Variants in CEP112 observed in about 807,000 individuals in gnomAD.
CEP112 encodes centrosomal protein 112, also known as centrosomal protein of 112 kDa.
CEP112 carries 127 observed loss-of-function variants against 153.0 expected under a neutral mutation model. The observed-to-expected ratio is 0.83, with a 90% confidence interval of 0.72 to 0.96. CEP112 has a LOEUF of 0.96. Ranked by LOEUF, CEP112 falls within the 40% of genes least tolerant of loss-of-function variation. The probability of loss-of-function intolerance (pLI) is 0.00; values close to 1 mark genes in which losing one functional copy is unlikely to be tolerated. For synonymous variants in CEP112, 358 were observed against 374.4 expected (o/e 0.96, Z 0.51); for missense variants, 1,089 against 1,101.2 (o/e 0.99, Z 0.16).
At chr17:65,687,866 TGA>T (rs2047897926) in intron 24 of CEP112, among the ~76,000 whole-genome samples, 2 of 152,236 alleles carry the variant, frequency 1.3e-5, no homozygotes, top group Non-Finnish European at 2.9e-5. Flanking sequence ...ATTCCTGTAC[TGA>T]GTTTTACAAC....
chr17:66,020,653 T>C (rs190823015), intron 16 of CEP112, among the ~76,000 whole-genome samples: 3 of 152,356 alleles, frequency 2.0e-5, no homozygotes, highest in Non-Finnish European at 2.9e-5. Flanking sequence ...TTTCATTTTC[T>C]ATTATTTTTG....
intron 19 of CEP112, among the ~76,000 whole-genome samples, chr17:65,916,960 C>A (rs1023234651): frequency 6.6e-6 from 1 of 152,178 alleles, no homozygotes; most frequent in Admixed American, 6.5e-5. Context: ...TCTTCAATTG[C>A]CTTTCACTAA....
In CEP112 at chr17:65,960,241, T is replaced by G. The variant is rs893071012; in HGVS notation, c.1872+1222A>C. Among the ~76,000 whole-genome samples, 13 of 152,276 alleles carry G rather than the reference T, an allele frequency of 8.5e-5. No individual in the cohort carries two copies. In the East Asian group the frequency reaches 2.5e-3, roughly 29 times the overall value. ...TCATATGATAAAATAAATTTAGTGT[T>G]AAAAAGATTGTACTAAAACAGCATG... On this transcript the variant is annotated intron_variant, in intron 18 of 26. Coordinates refer to ENST00000535342, the MANE Select transcript of CEP112 (RefSeq NM_001199165.4).
intron 6 of CEP112, among the ~76,000 whole-genome samples, chr17:66,128,332 A>G (rs1341326402): frequency 1.3e-5 from 2 of 151,010 alleles, no homozygotes; most frequent in Non-Finnish European, 3.0e-5. Flanking sequence ...AGACAGAAAG[A>G]AAAAGTATAA....
chr17:66,094,607 T>G (rs548957008), intron 8 of CEP112, among the ~76,000 whole-genome samples: 1 of 152,130 alleles, frequency 6.6e-6, no homozygotes, highest in South Asian at 2.1e-4. Context: ...GTTTTGGATA[T>G]GAACCGAAAA....
At chr17:65,887,936 G>A (rs763129514) in intron 20 of CEP112, among the ~76,000 whole-genome samples, 3 of 152,106 alleles carry the variant, frequency 2.0e-5, no homozygotes, top group Non-Finnish European at 4.4e-5. Context: ...TTCAAAGCAG[G>A]TAAAGTTTGC....
At chr17:65,855,719 C>T (rs2058099727) in intron 20 of CEP112, among the ~76,000 whole-genome samples, 1 of 152,178 alleles carries the variant, frequency 6.6e-6, no homozygotes, top group Non-Finnish European at 1.5e-5. Flanking sequence ...ACCTAAATAA[C>T]ATATATTATC....
intron 23 of CEP112, among the ~76,000 whole-genome samples, chr17:65,724,056 A>G (rs1002779473): frequency 6.7e-6 from 1 of 148,566 alleles, no homozygotes; most frequent in African/African-American, 2.4e-5. Context: ...CTCTTGAAAA[A>G]ATGGGGGTTG....
In CEP112 at chr17:65,697,188, C is replaced by A. The variant is rs143308668; in HGVS notation, c.2608-7970G>T. The stretch of plus-strand genomic sequence containing the variant: ...TCAAATATTTGTTAAGTTATAAAAT[C>A]TTGACGTAAACCTCTCTTCCCCTGG... On this transcript the variant is annotated intron_variant, in intron 23 of 26. Transcript: ENST00000535342. 1.7e-3 allele frequency among the ~76,000 whole-genome samples: 257 copies of A among 152,212 alleles called. 1 individual carries two copies. The highest frequency in any genetic ancestry group is 3.1e-3 in the African/African-American group (129 of 41,540).
intron 8 of CEP112, among the ~76,000 whole-genome samples, chr17:66,077,020 A>G (rs1177662992): frequency 6.6e-6 from 1 of 152,150 alleles, no homozygotes; most frequent in African/African-American, 2.4e-5. Flanking sequence ...TACTACATCA[A>G]GGGAATACCC....
chr17:65,671,933 G>A (rs940271947), intron 24 of CEP112, among the ~76,000 whole-genome samples: 1 of 152,140 alleles, frequency 6.6e-6, no homozygotes, highest in Non-Finnish European at 1.5e-5. Context: ...ATATGGAACT[G>A]GAGGCCTCAC....
At position 66,042,590 on chromosome 17, in the gene CEP112, A is replaced by T. The variant is rs540882268; in HGVS notation, c.1218+11146T>A. Among the ~76,000 whole-genome samples, 3 of 152,296 alleles carry T rather than the reference A, an allele frequency of 2.0e-5. No individual in the cohort carries two copies. In the South Asian group the frequency reaches 6.2e-4, roughly 32 times the overall value. On this transcript the variant is annotated intron_variant, in intron 12 of 26. Coordinates refer to ENST00000535342, the MANE Select transcript of CEP112 (RefSeq NM_001199165.4). ...GAGAAATTATCACAACCAAGAGGAA[A>T]GTAAGGAGGCCTAACAACTAAATGT...
chr17:65,884,877 T>A (rs879703957), intron 20 of CEP112, among the ~76,000 whole-genome samples: 1 of 151,904 alleles, frequency 6.6e-6, no homozygotes, highest in Non-Finnish European at 1.5e-5. Flanking sequence ...GCCACCACCC[T>A]GGCTAATTTT....
intron 20 of CEP112, among the ~76,000 whole-genome samples, chr17:65,886,316 GT>G (rs1244661489): frequency 1.3e-5 from 2 of 152,192 alleles, no homozygotes; most frequent in Admixed American, 1.3e-4. Context: ...TGAGTAAGAA[GT>G]TGCCATAAAA....
intron 8 of CEP112, among the ~76,000 whole-genome samples, chr17:66,083,935 T>C (rs1419822453): frequency 6.6e-6 from 1 of 152,160 alleles, no homozygotes; most frequent in East Asian, 1.9e-4. Flanking sequence ...AGAGATCTAA[T>C]ATTTAAATAG....
chr17:66,070,861 T>C (rs2067286529), intron 8 of CEP112, among the ~76,000 whole-genome samples: 1 of 152,140 alleles, frequency 6.6e-6, no homozygotes, highest in South Asian at 2.1e-4. Context: ...ATATATGCAC[T>C]GTTGTGACTT....
intron 19 of CEP112, among the ~76,000 whole-genome samples, chr17:65,905,346 A>C (rs2060030498): frequency 6.6e-6 from 1 of 152,244 alleles, no homozygotes; most frequent in Non-Finnish European, 1.5e-5. Context: ...AAACATATGG[A>C]AAAAAGCTCA....
intron 17 of CEP112, among the ~76,000 whole-genome samples, chr17:65,970,644 A>C (rs1223043297): frequency 6.6e-6 from 1 of 152,042 alleles, no homozygotes; most frequent in African/African-American, 2.4e-5. Context: ...ACATGCATGC[A>C]CGCATGTATA....
At chr17:65,952,418 T>G (rs1464667426) in intron 18 of CEP112, among the ~76,000 whole-genome samples, 1 of 152,034 alleles carries the variant, frequency 6.6e-6, no homozygotes, top group South Asian at 2.1e-4. Flanking sequence ...CAGCAGGATT[T>G]TGAGATCCAT....
Sources: allele counts gnomAD v4.1 joint callset (sites outside exome capture counted in the v4.1 genomes callset), GRCh38; gene constraint gnomAD v4.1.1; transcripts MANE v1.5; gene names NCBI Gene and HGNC (gene_info 2026-07-23, HGNC 2026-07-21).